Variants in BLTP3A observed in about 807,000 individuals in gnomAD.
BLTP3A encodes ICBP90 binding protein 1.
At chr6:34,801,437 T>G in the BLTP3A span, among the ~76,000 whole-genome samples, 2 of 152,128 alleles carry the variant, frequency 1.3e-5, no homozygotes, top group East Asian at 3.9e-4. Context: ...TTTTTCCTAT[T>G]CCTTGGAGTA....
At chr6:34,857,483 G>C in the BLTP3A span, 1 of 1,612,846 alleles carries the variant, frequency 6.2e-7, no homozygotes, top group Non-Finnish European at 8.5e-7. Flanking sequence ...AAGCATCTAG[G>C]CTGGCTATTT....
chr6:34,859,430 C>A, the BLTP3A span: 1 of 1,614,148 alleles, frequency 6.2e-7, no homozygotes, highest in Middle Eastern at 1.6e-4. Context: ...ATTCACATGA[C>A]CAAGGATGCC....
the BLTP3A span, among the ~76,000 whole-genome samples, chr6:34,843,684 G>T: frequency 1.3e-5 from 2 of 152,180 alleles, no homozygotes; most frequent in African/African-American, 4.8e-5. Flanking sequence ...TGGCTATTAT[G>T]AATAGTGCTG....
the BLTP3A span, among the ~76,000 whole-genome samples, chr6:34,861,827 C>G: frequency 6.6e-6 from 1 of 152,196 alleles, no homozygotes; most frequent in Non-Finnish European, 1.5e-5. Context: ...GCAAGTGACT[C>G]TCCCACCTTG....
the BLTP3A span, among the ~76,000 whole-genome samples, chr6:34,817,713 A>C: frequency 9.2e-5 from 14 of 152,200 alleles, no homozygotes; most frequent in African/African-American, 3.4e-4. Flanking sequence ...AATGGTAAGC[A>C]GGCCTGTTCT....
chr6:34,847,921 C>CTTTCTCTT, the BLTP3A span, among the ~76,000 whole-genome samples: 1 of 91,174 alleles, frequency 1.1e-5, no homozygotes. Context: ...TCTTTTTTTC[C>CTTTCTCTT]TTTTTTTTTT....
the BLTP3A span, among the ~76,000 whole-genome samples, chr6:34,847,250 A>G: frequency 6.6e-6 from 1 of 151,476 alleles, no homozygotes; most frequent in Non-Finnish European, 1.5e-5. Flanking sequence ...TTTTTCCAAG[A>G]ACACTTTCAT....
the BLTP3A span, among the ~76,000 whole-genome samples, chr6:34,862,071 TTTC>T: frequency 6.6e-6 from 1 of 152,204 alleles, no homozygotes; most frequent in Admixed American, 6.5e-5. Flanking sequence ...TATCTAAATC[TTTC>T]TTTAGAATAA....
At chr6:34,792,678 C>T in the BLTP3A span, among the ~76,000 whole-genome samples, 1 of 152,354 alleles carries the variant, frequency 6.6e-6, no homozygotes, top group African/African-American at 2.4e-5. Context: ...GAAGCCCACT[C>T]TTGCCTGCCC....
At chr6:34,838,734 C>T in the BLTP3A span, among the ~76,000 whole-genome samples, 2 of 152,176 alleles carry the variant, frequency 1.3e-5, no homozygotes, top group Non-Finnish European at 2.9e-5. Context: ...TCCTTGAGCC[C>T]AGGTGTTCAA....
At chr6:34,836,225 A>T in the BLTP3A span, 2 of 1,614,162 alleles carry the variant, frequency 1.2e-6, no homozygotes, top group Non-Finnish European at 1.7e-6. Context: ...GGGCAACAGC[A>T]ACAGCAGCAG....
the BLTP3A span, among the ~76,000 whole-genome samples, chr6:34,839,661 G>C: frequency 2.0e-5 from 3 of 152,196 alleles, no homozygotes; most frequent in African/African-American, 7.2e-5. Flanking sequence ...GCACTGCCAG[G>C]GGGTAGGCAG....
chr6:34,820,809 G>A, the BLTP3A span, among the ~76,000 whole-genome samples: 1 of 116,972 alleles, frequency 8.5e-6, no homozygotes, highest in African/African-American at 4.2e-5. Context: ...GCACCACCAT[G>A]CCTAATTTTT....
chr6:34,838,970 G>T, the BLTP3A span, among the ~76,000 whole-genome samples: 30 of 152,294 alleles, frequency 2.0e-4, no homozygotes, highest in African/African-American at 6.7e-4. Flanking sequence ...TTCAAGGAAG[G>T]CCGGGCATGG....
the BLTP3A span, among the ~76,000 whole-genome samples, chr6:34,828,044 AC>A: frequency 6.6e-6 from 1 of 152,192 alleles, no homozygotes; most frequent in Non-Finnish European, 1.5e-5. Flanking sequence ...CAACTGTGAA[AC>A]AAGGCACATT....
the BLTP3A span, among the ~76,000 whole-genome samples, chr6:34,802,367 C>A: frequency 1.4e-5 from 2 of 144,790 alleles, no homozygotes; most frequent in South Asian, 4.3e-4. Flanking sequence ...CCACCAAGCC[C>A]GGCTAATTTT....
chr6:34,834,215 A>G, the BLTP3A span: 1 of 1,613,278 alleles, frequency 6.2e-7, no homozygotes. Context: ...CATTTGTTGT[A>G]GTGAATATGG....
the BLTP3A span, chr6:34,834,946 A>G: frequency 1.3e-6 from 2 of 1,518,870 alleles, no homozygotes; most frequent in African/African-American, 2.8e-5. Flanking sequence ...ATTGTTTGGA[A>G]TGTTATTGGC....
chr6:34,835,562 A>G, the BLTP3A span: 1 of 1,362,456 alleles, frequency 7.3e-7, no homozygotes, highest in African/African-American at 1.5e-5. Flanking sequence ...TATTTGGGAA[A>G]TTTGTCATTT....
Sources: gnomAD v4.1 joint callset for allele counts (sites outside exome capture counted in the v4.1 genomes callset) on GRCh38, gnomAD v4.1.1 for gene constraint, MANE v1.5 for transcripts, NCBI Gene and HGNC (gene_info 2026-07-23, HGNC 2026-07-21) for gene names.